Variants in TBC1D5 observed in about 807,000 individuals in gnomAD.
The protein encoded by TBC1D5 is TBC1 domain family member 5.
A neutral mutation model predicts 100.3 loss-of-function variants in TBC1D5; 75 were observed. That is an observed-to-expected ratio of 0.75 (90% CI 0.62 to 0.91). TBC1D5 has a LOEUF of 0.91. Among genes scored for constraint, TBC1D5 ranks in the 40% least tolerant of loss-of-function variants. TBC1D5 has a pLI of 0.00. For missense variants in TBC1D5, 910 were observed against 942.4 expected, an observed-to-expected ratio of 0.97 and a Z score of 0.45; for synonymous variants, 323 against 325.6, an observed-to-expected ratio of 0.99 and a Z score of 0.09.
At chr3:17,535,201 A>G (rs980294452) in intron 2 of TBC1D5, among the ~76,000 whole-genome samples, 7 of 152,200 alleles carry the variant, frequency 4.6e-5, no homozygotes, top group African/African-American at 1.7e-4. Context: ...TCAGGGTTGT[A>G]TCAGAAATTA....
chr3:17,738,952 G>GT (rs764674497), intron 1 of TBC1D5, among the ~76,000 whole-genome samples: 27 of 152,050 alleles, frequency 1.8e-4, no homozygotes, highest in Non-Finnish European at 3.5e-4. Context: ...CACTTCACAG[G>GT]TTTTTGAGAA....
At chr3:17,214,430 TCTA>T (rs1311667742) in intron 17 of TBC1D5, 60 bp from the exon 19 acceptor site, 4 of 1,529,350 alleles carry the variant, frequency 2.6e-6, no homozygotes, top group African/African-American at 2.8e-5. Context: ...AGCTATTCGA[TCTA>T]CTGTTTTTAA....
chr3:17,557,753 T>C (rs2096531473), intron 2 of TBC1D5, among the ~76,000 whole-genome samples: 1 of 152,144 alleles, frequency 6.6e-6, no homozygotes, highest in Non-Finnish European at 1.5e-5. Flanking sequence ...GCAACAGCCA[T>C]AGGTAAATTT....
intron 2 of TBC1D5, among the ~76,000 whole-genome samples, chr3:17,554,342 T>C (rs1472145911): frequency 6.6e-6 from 1 of 152,176 alleles, no homozygotes; most frequent in Admixed American, 6.5e-5. Flanking sequence ...AGAGGAGTAA[T>C]GTGGGAGACC....
At chr3:17,385,514 C>G (rs1009260952) in intron 8 of TBC1D5, among the ~76,000 whole-genome samples, 1 of 152,058 alleles carries the variant, frequency 6.6e-6, no homozygotes, top group African/African-American at 2.4e-5. Context: ...GTGCCTTGGA[C>G]AGTTATAACT....
At chr3:17,482,264 T>C (rs1030396509) in intron 3 of TBC1D5, among the ~76,000 whole-genome samples, 1 of 152,184 alleles carries the variant, frequency 6.6e-6, no homozygotes, top group African/African-American at 2.4e-5. Context: ...GACAAAAAAC[T>C]TCTTAAAGTC....
At chr3:17,607,603 C>T (rs1016347334) in intron 2 of TBC1D5, among the ~76,000 whole-genome samples, 2 of 151,822 alleles carry the variant, frequency 1.3e-5, no homozygotes, top group Admixed American at 1.3e-4. Context: ...CCTTTTAGTC[C>T]CCTATTCAGC....
chr3:17,697,555 G>T (rs1018233451), intron 1 of TBC1D5, among the ~76,000 whole-genome samples: 1 of 152,192 alleles, frequency 6.6e-6, no homozygotes, highest in South Asian at 2.1e-4. Context: ...CAAGGGATGT[G>T]AAGGACTTCT....
chr3:17,363,567 T>C (rs2091889544), intron 13 of TBC1D5, among the ~76,000 whole-genome samples: 2 of 151,746 alleles, frequency 1.3e-5, no homozygotes, highest in African/African-American at 4.8e-5. Flanking sequence ...CCTTTTTCTT[T>C]CTTTTTTTAT....
At chr3:17,549,883 T>C (rs1022952680) in intron 2 of TBC1D5, among the ~76,000 whole-genome samples, 1 of 151,772 alleles carries the variant, frequency 6.6e-6, no homozygotes, top group African/African-American at 2.4e-5. Context: ...TGAGCCAAGA[T>C]TGAGCCACTG....
intron 7 of TBC1D5, among the ~76,000 whole-genome samples, chr3:17,404,479 A>T (rs1575727420): frequency 6.6e-6 from 1 of 152,044 alleles, no homozygotes; most frequent in Non-Finnish European, 1.5e-5. Flanking sequence ...ATTTCTTGGT[A>T]CTGCCATTCC....
chr3:17,197,479 C>T (rs760209661), intron 18 of TBC1D5, among the ~76,000 whole-genome samples: 10 of 152,048 alleles, frequency 6.6e-5, no homozygotes, highest in Admixed American at 5.9e-4. Flanking sequence ...TAGGTTTAAG[C>T]GATCTTTTCA....
intron 18 of TBC1D5, among the ~76,000 whole-genome samples, chr3:17,213,733 C>CAAAAAAAA (rs71632897): frequency 4.9e-5 from 3 of 61,044 alleles, no homozygotes; most frequent in Non-Finnish European, 8.9e-5. Context: ...GACTCTGTCT[C>CAAAAAAAA]AAAAAAAAAA....
At chr3:17,494,325 CA>C (rs1174812554) in intron 3 of TBC1D5, among the ~76,000 whole-genome samples, 1 of 152,168 alleles carries the variant, frequency 6.6e-6, no homozygotes, top group Non-Finnish European at 1.5e-5. Context: ...GACCTGATGC[CA>C]GCTGAAACAT....
At chr3:17,218,791 T>G (rs1465237666) in intron 17 of TBC1D5, among the ~76,000 whole-genome samples, 1 of 152,056 alleles carries the variant, frequency 6.6e-6, no homozygotes, top group Non-Finnish European at 1.5e-5. Context: ...ACTGAGGAAC[T>G]CTTGTATATC....
chr3:17,426,869 T>A (rs145555566), intron 4 of TBC1D5, among the ~76,000 whole-genome samples: 1 of 152,138 alleles, frequency 6.6e-6, no homozygotes, highest in African/African-American at 2.4e-5. Flanking sequence ...GGGATTTTCC[T>A]TCCTTTGAAA....
intron 4 of TBC1D5, among the ~76,000 whole-genome samples, chr3:17,416,093 T>C (rs2094061030): frequency 6.6e-6 from 1 of 152,230 alleles, no homozygotes; most frequent in Non-Finnish European, 1.5e-5. Context: ...TGTTTTCCAA[T>C]AGTGTGTTGA....
chr3:17,210,620 T>C (rs1034063820), intron 18 of TBC1D5, among the ~76,000 whole-genome samples: 2 of 152,256 alleles, frequency 1.3e-5, no homozygotes, highest in Admixed American at 1.3e-4. Context: ...AGTAAAATTC[T>C]TTTGTTTGCA....
At chr3:17,702,707 C>A (rs969204276) in intron 1 of TBC1D5, among the ~76,000 whole-genome samples, 1 of 152,034 alleles carries the variant, frequency 6.6e-6, no homozygotes, top group South Asian at 2.1e-4. Flanking sequence ...GATTGATGAA[C>A]AAAATTTAGC....
Sources: gnomAD v4.1 joint callset for allele counts (sites outside exome capture counted in the v4.1 genomes callset) on GRCh38, gnomAD v4.1.1 for gene constraint, MANE v1.5 for transcripts, NCBI Gene and HGNC (gene_info 2026-07-23, HGNC 2026-07-21) for gene names.